WDR35: variants seen among roughly 807,000 people sequenced by gnomAD.
WDR35 encodes WD repeat domain 35, also known as WD repeat-containing protein 35.
In WDR35, 118 loss-of-function variants were observed where a neutral mutation model predicts 158.3. That is an observed-to-expected ratio of 0.75 (90% confidence interval 0.64 to 0.87). The LOEUF (loss-of-function observed/expected upper bound fraction) is 0.87, where lower values mean the gene tolerates loss of function less well. Ranked by LOEUF, WDR35 falls within the 40% of genes least tolerant of loss-of-function variation. WDR35 has a pLI of 0.00. For missense variants in WDR35, 1,263 were observed against 1,405.8 expected (o/e 0.90, Z 1.62); for synonymous variants, 448 against 476.1 (o/e 0.94, Z 0.77).
At chr2:19,942,174 A>C (rs1670900022) in intron 16 of WDR35, among the ~76,000 whole-genome samples, 1 of 152,114 alleles carries the variant, frequency 6.6e-6, no homozygotes, top group Non-Finnish European at 1.5e-5. Flanking sequence ...TAATTCCCTA[A>C]TAGCATGTAA....
At chr2:19,986,008 C>T (rs1171524521) in intron 2 of WDR35, among the ~76,000 whole-genome samples, 1 of 150,352 alleles carries the variant, frequency 6.7e-6, no homozygotes, top group Non-Finnish European at 1.5e-5. Context: ...TCACAATAGA[C>T]CAGGTGAGGG....
intron 20 of WDR35, 55 bp from the exon 21 acceptor site, chr2:19,935,658 T>C: frequency 1.3e-6 from 2 of 1,591,732 alleles, no homozygotes; most frequent in Non-Finnish European, 8.5e-7. Flanking sequence ...TCCTGATAAA[T>C]AAGCACTTTC....
intron 25 of WDR35, among the ~76,000 whole-genome samples, chr2:19,919,112 G>A (rs2103383895): frequency 6.6e-6 from 1 of 152,254 alleles, no homozygotes; most frequent in South Asian, 2.1e-4. Context: ...CAGGCGCAGT[G>A]GCTCACGCCT....
chr2:19,941,904 C>T (rs937569560), intron 16 of WDR35, 65 bp from the exon 17 acceptor site: 4 of 1,204,302 alleles, frequency 3.3e-6, no homozygotes, highest in Admixed American at 2.1e-5. Context: ...ACAAATCATG[C>T]TTTTAAATTT....
intron 22 of WDR35, 39 bp downstream of exon 22, chr2:19,933,362 A>T: frequency 6.4e-7 from 1 of 1,550,762 alleles, no homozygotes. Context: ...AAAATTCCTA[A>T]GACAATAAGC....
At chr2:19,954,807 C>T (rs1313095646) in intron 11 of WDR35, among the ~76,000 whole-genome samples, 1 of 152,006 alleles carries the variant, frequency 6.6e-6, no homozygotes, top group African/African-American at 2.4e-5. Flanking sequence ...AGGTATGTAC[C>T]CAAGAAAAAT....
intron 2 of WDR35, among the ~76,000 whole-genome samples, chr2:19,987,567 T>C (rs544237932): frequency 1.2e-4 from 18 of 152,212 alleles, no homozygotes; most frequent in African/African-American, 4.1e-4. Flanking sequence ...CTCACACCTG[T>C]AATCCCAGCA....
chr2:19,926,729 G>A (rs933896611), intron 25 of WDR35, among the ~76,000 whole-genome samples: 5 of 152,230 alleles, frequency 3.3e-5, no homozygotes, highest in African/African-American at 1.2e-4. Flanking sequence ...AACTAGTTTG[G>A]TGGAGAGATC....
rs560062392 is a variant in WDR35 at position 19,932,190 on chromosome 2, T to C, written c.2823+93A>G. 7.7e-5 allele frequency: 118 copies of C among 1,530,066 alleles called. No individual in the cohort carries two copies. The Middle Eastern group carries it at 9.2e-4, about 12-fold the overall frequency. 94.8% of individuals were successfully genotyped at this position (1,530,066 alleles called of 1,614,324 possible). A position where few individuals can be genotyped will look rare whatever the true frequency, so the allele number is the denominator to read the frequency against. On this transcript the variant is annotated intron_variant, in intron 23 of 26. Coordinates refer to ENST00000281405, the MANE Select transcript of WDR35 (RefSeq NM_020779.4). Reference sequence around the variant, plus strand: ...CAGAGTGGTTTTGCTGTAATAAATATTTGTTTCCAAAGAAAATGGAGAATA... The same window carrying C: ...CAGAGTGGTTTTGCTGTAATAAATACTTGTTTCCAAAGAAAATGGAGAATA...
chr2:19,975,466 T>A, intron 6 of WDR35, 64 bp downstream of exon 6: 1 of 1,522,204 alleles, frequency 6.6e-7, no homozygotes, highest in African/African-American at 1.4e-5. Flanking sequence ...TATACAAACA[T>A]GAATGATATG....
intron 25 of WDR35, among the ~76,000 whole-genome samples, chr2:19,924,701 G>C (rs896376758): frequency 6.6e-6 from 1 of 152,206 alleles, no homozygotes; most frequent in Non-Finnish European, 1.5e-5. Flanking sequence ...TTTTATCAAG[G>C]CCTGTGATGT....
chr2:19,965,334 C>A (rs1344362325), intron 10 of WDR35, among the ~76,000 whole-genome samples: 3 of 152,202 alleles, frequency 2.0e-5, no homozygotes, highest in Non-Finnish European at 2.9e-5. Context: ...CCTTGTCTAA[C>A]TGCTTATATT....
chr2:19,966,283 A>T (rs932204735), intron 10 of WDR35, among the ~76,000 whole-genome samples: 1 of 152,158 alleles, frequency 6.6e-6, no homozygotes, highest in Non-Finnish European at 1.5e-5. Context: ...ATGTTATGCT[A>T]TGATACATTA....
At chr2:19,968,444 A>G (rs1671928654) in intron 9 of WDR35, among the ~76,000 whole-genome samples, 1 of 152,190 alleles carries the variant, frequency 6.6e-6, no homozygotes, top group East Asian at 1.9e-4. Flanking sequence ...CCATTTATTT[A>G]TTTATTCAAA....
At position 19,936,216 on chromosome 2, in the gene WDR35, T is replaced by C. The variant is rs756742102; in HGVS notation, c.2414+3A>G. ...CTTGAGGAGCTCCAGGTAAGTTACA[T>C]ACCACTTTTGTCGATCAGCAAAGTA... On this transcript the variant is annotated splice_donor_region_variant and intron_variant, in intron 20 of 26. Coordinates refer to ENST00000281405, the MANE Select transcript of WDR35 (RefSeq NM_020779.4). The C allele has an allele frequency of 4.3e-6, 7 of 1,613,870 alleles. No individual in the cohort carries two copies. The South Asian group carries it at 5.5e-5, about 13-fold the overall frequency.
intron 25 of WDR35, among the ~76,000 whole-genome samples, chr2:19,919,145 C>T (rs1475597248): frequency 2.0e-5 from 3 of 152,046 alleles, no homozygotes; most frequent in Non-Finnish European, 4.4e-5. Context: ...CTTTCGGAGG[C>T]CAAGGCGGGT....
At chr2:19,938,008 G>A in intron 18 of WDR35, 62 bp from the exon 19 acceptor site, 1 of 1,566,970 alleles carries the variant, frequency 6.4e-7, no homozygotes, top group Non-Finnish European at 8.8e-7. Context: ...AACTAGTCTT[G>A]AATCACAATT....
intron 13 of WDR35, among the ~76,000 whole-genome samples, chr2:19,948,846 G>A (rs955347067): frequency 6.0e-5 from 9 of 151,130 alleles, no homozygotes; most frequent in Middle Eastern, 3.4e-3. Context: ...CCCAGGAGGC[G>A]GAGGCTGCAG....
chr2:19,954,343 A>C (rs1671353744), intron 11 of WDR35, among the ~76,000 whole-genome samples: 1 of 152,252 alleles, frequency 6.6e-6, no homozygotes, highest in Admixed American at 6.5e-5. Flanking sequence ...TTAAAATTAA[A>C]AACATTTGGG....
Sources: gnomAD v4.1 joint callset for allele counts (sites outside exome capture counted in the v4.1 genomes callset) on GRCh38, gnomAD v4.1.1 for gene constraint, MANE v1.5 for transcripts, NCBI Gene and HGNC (gene_info 2026-07-23, HGNC 2026-07-21) for gene names.